The following HYDIN variants were observed in gnomAD, a reference collection of about 807,000 sequenced individuals.
HYDIN encodes the protein axonemal central pair apparatus protein HYDIN.
A neutral mutation model predicts 403.9 loss-of-function variants in HYDIN; 132 were observed. That is an observed-to-expected ratio of 0.33 (90% confidence interval 0.28 to 0.38). The LOEUF is 0.38. HYDIN is among the 10% of genes least tolerant of loss of function. The pLI, the probability that HYDIN is intolerant of heterozygous loss-of-function variation, is 1.00. For missense variants in HYDIN, 2,827 were observed against 5,009.5 expected, an observed-to-expected ratio of 0.56 and a Z score of 13.15; for synonymous variants, 1,202 against 1,891.7, an observed-to-expected ratio of 0.64 and a Z score of 9.46.
intron 75 of HYDIN, 115 bp downstream of exon 75, chr16:70,849,610 AC>A (rs1256297797): frequency 3.2e-6 from 2 of 618,194 alleles, no homozygotes; most frequent in African/African-American, 3.7e-5. Flanking sequence ...CAACACAGCT[AC>A]CCTCTAGGAG....
chr16:71,221,660 T>C (rs1464179781), intron 1 of HYDIN, among the ~76,000 whole-genome samples: 3 of 152,134 alleles, frequency 2.0e-5, no homozygotes, highest in Admixed American at 6.5e-5. Context: ...ACTCAATGAA[T>C]AGAATATCTA....
intron 3 of HYDIN, among the ~76,000 whole-genome samples, chr16:71,183,927 T>C (rs2087016217): frequency 6.6e-6 from 1 of 152,114 alleles, no homozygotes; most frequent in African/African-American, 2.4e-5. Context: ...GAAAAACTCC[T>C]CATAGCCTGT....
intron 45 of HYDIN, among the ~76,000 whole-genome samples, chr16:70,924,785 A>C (rs2077098416): frequency 1.3e-5 from 1 of 78,576 alleles, no homozygotes; most frequent in South Asian, 5.3e-4. Flanking sequence ...GGGACAATAC[A>C]CACTGTGGTC....
chr16:71,167,047 A>G (rs2086259772), intron 5 of HYDIN, among the ~76,000 whole-genome samples: 1 of 147,910 alleles, frequency 6.8e-6, no homozygotes, highest in African/African-American at 2.5e-5. Flanking sequence ...CCTGGGCGAC[A>G]GAGTGAGACT....
Position 71,093,828 on chromosome 16 carries a change from G to A in HYDIN, c.1435C>T (p.His479Tyr), listed in dbSNP as rs1456955256. The A allele has an allele frequency of 5.0e-6, 8 of 1,613,442 alleles. No individual in the cohort carries two copies. Among genetic ancestry groups the A allele is most frequent in the Non-Finnish European group, 6.8e-6 (8 of 1,179,664 alleles). ...DIGKVFTGSA[H>Y]CYEAILYNKG... is the part of the protein sequence containing the mutation. ...ACTCTAGTGCTTACCTCATAACAAT[G>A]TGCAGATCCAGTGAAAACTTTCCCA... is the stretch of plus-strand genomic sequence containing the variant. The change falls in exon 11 of 86, where the codon CAT (histidine) becomes TAT (tyrosine). Residue 479 changes from histidine (H) to tyrosine (Y), a missense_variant. By Grantham distance (83) the His-to-Tyr change is moderately conservative. Transcript: ENST00000393567.
intron 13 of HYDIN, among the ~76,000 whole-genome samples, chr16:71,073,698 G>C (rs2082539000): frequency 6.6e-6 from 1 of 152,086 alleles, no homozygotes; most frequent in Admixed American, 6.6e-5. Context: ...AAAATAGTGG[G>C]TTTGCAGATA....
intron 25 of HYDIN, among the ~76,000 whole-genome samples, chr16:70,988,919 A>T (rs2079258194): frequency 6.6e-6 from 1 of 151,592 alleles, no homozygotes; most frequent in Non-Finnish European, 1.5e-5. Context: ...ATTGGCAAAT[A>T]GAAATATCTG....
rs527500116 is a variant in HYDIN, at chr16:70,996,948, G to A, written c.3645-4738C>T. 4.7e-3 allele frequency among the ~76,000 whole-genome samples: 710 copies of A among 149,838 alleles called. 3 individuals carry two copies. The highest frequency in any genetic ancestry group is 0.017 in the African/African-American group (696 of 40,886). On this transcript the variant is annotated intron_variant, in intron 23 of 85. Coordinates refer to ENST00000393567, the MANE Select transcript of HYDIN (RefSeq NM_001270974.2). The stretch of plus-strand genomic sequence containing the variant: ...TTATTATTACATTGTAATATATGAT[G>A]AAACAATTATACAACTCACCATCAT...
At chr16:70,859,256 G>A (rs1234018354) in intron 71 of HYDIN, among the ~76,000 whole-genome samples, 35 of 151,928 alleles carry the variant, frequency 2.3e-4, no homozygotes, top group Non-Finnish European at 4.1e-4. Flanking sequence ...AGCCGAGATC[G>A]CGCCACTGCA....
At position 70,860,691 on chromosome 16, in the gene HYDIN, G is replaced by T; in HGVS notation, c.11988C>A (p.Leu3996=). 1 of 538,032 alleles carries T rather than the reference G, an allele frequency of 1.9e-6. No homozygotes were observed. The allele number at this position is 538,032 out of a possible 1,614,324, so 33.3% of individuals were successfully genotyped here. ...FTTVGIGGKN[L]RTFTILNPTN... ...CAATGTAAACCTAAGCAACTCACCG[G>T]AGATTCTTCCCTCCTATGCCCACAG... The change falls in exon 70 of 86, where the codon CTC becomes CTA. Residue 3996 remains leucine, a splice_region_variant and synonymous_variant. Coordinates refer to ENST00000393567, the MANE Select transcript of HYDIN (RefSeq NM_001270974.2).
chr16:70,839,625 C>T (rs1376373225), intron 76 of HYDIN, among the ~76,000 whole-genome samples: 1 of 152,006 alleles, frequency 6.6e-6, no homozygotes, highest in African/African-American at 2.4e-5. Flanking sequence ...TTGAATGGGG[C>T]TCAGAACCTT....
intron 54 of HYDIN, 132 bp downstream of exon 54, chr16:70,895,849 T>C (rs1260380153): frequency 2.9e-6 from 4 of 1,399,388 alleles, no homozygotes; most frequent in Admixed American, 2.8e-5. Context: ...GGGGCTCACA[T>C]TATTATTTAT....
At chr16:70,834,934 A>C (rs2037285987) in intron 78 of HYDIN, among the ~76,000 whole-genome samples, 2 of 148,844 alleles carry the variant, frequency 1.3e-5, no homozygotes. Flanking sequence ...ATATATGTAT[A>C]TATACACACA....
At chr16:70,920,538 A>T in intron 46 of HYDIN, 53 bp downstream of exon 46, 1 of 1,433,308 alleles carries the variant, frequency 7.0e-7, no homozygotes, top group Non-Finnish European at 9.6e-7. Flanking sequence ...TGACCTTAGC[A>T]CAGCGCCTGC....
At chr16:70,837,058 A>C (rs2037476019) in intron 77 of HYDIN, among the ~76,000 whole-genome samples, 1 of 152,246 alleles carries the variant, frequency 6.6e-6, no homozygotes, top group Non-Finnish European at 1.5e-5. Flanking sequence ...ATCTTCCAAA[A>C]CCTTCTATTA....
At chr16:71,170,224 A>G (rs1166162841) in intron 5 of HYDIN, among the ~76,000 whole-genome samples, 3 of 152,232 alleles carry the variant, frequency 2.0e-5, no homozygotes, top group Non-Finnish European at 4.4e-5. Flanking sequence ...CTGGTGAGGG[A>G]AAGTTTTGGT....
In HYDIN at chr16:70,883,939, T is replaced by C. The variant is rs186768852; in HGVS notation, c.9960A>G (p.Leu3320=). The C allele has an allele frequency of 6.2e-7, 1 of 1,613,748 alleles. No homozygotes were observed. The highest frequency in any genetic ancestry group is 2.2e-5 in the East Asian group (1 of 44,888). ...VHPAGILYTL[L]AEACLPAFVT... ...CAGTACCTGGTAGACAGGCTTCAGC[T>C]AGCAAAGTGTAAAGAATGCCGGCAG... The change falls in exon 59 of 86, where the codon CTA becomes CTG. Residue 3320 remains leucine, a synonymous_variant. Coordinates refer to ENST00000393567, the MANE Select transcript of HYDIN (RefSeq NM_001270974.2).
At chr16:71,114,188 T>A (rs6499466) in intron 10 of HYDIN, among the ~76,000 whole-genome samples, 1 of 151,576 alleles carries the variant, frequency 6.6e-6, no homozygotes, top group Admixed American at 6.6e-5. Flanking sequence ...CTATTCCATG[T>A]CCTACTTTCA....
At chr16:71,071,680 G>C (rs1002544989) in intron 13 of HYDIN, among the ~76,000 whole-genome samples, 2 of 151,900 alleles carry the variant, frequency 1.3e-5, no homozygotes, top group African/African-American at 4.8e-5. Context: ...CTCCTAAGAA[G>C]ACTAGCAGAA....
Sources: allele counts gnomAD v4.1 joint callset (sites outside exome capture counted in the v4.1 genomes callset), GRCh38; gene constraint gnomAD v4.1.1; transcripts MANE v1.5; gene names NCBI Gene and HGNC (gene_info 2026-07-23, HGNC 2026-07-21).